Variants in FARS2 observed in about 807,000 individuals in gnomAD.
The protein encoded by FARS2 is phenylalanyl-tRNA synthetase 2, mitochondrial.
FARS2 carries 40 observed loss-of-function variants against 46.4 expected under a neutral mutation model. That is an observed-to-expected ratio of 0.86 (90% CI 0.67 to 1.12). FARS2 has a LOEUF of 1.12. FARS2 is among the 50% of genes most tolerant of loss of function. The probability of loss-of-function intolerance (pLI) is 0.00; values close to 1 mark genes in which losing one functional copy is unlikely to be tolerated. For missense variants in FARS2, 513 were observed against 567.9 expected (o/e 0.90, Z 0.98); for synonymous variants, 234 against 214.9 (o/e 1.09, Z -0.78).
At chr6:5,562,266 G>A (rs989797235) in intron 5 of FARS2, among the ~76,000 whole-genome samples, 2 of 151,160 alleles carry the variant, frequency 1.3e-5, no homozygotes, top group South Asian at 2.1e-4. Flanking sequence ...AACTTTTTAC[G>A]GCATCCTCTT....
At chr6:5,378,404 G>A (rs909097326) in intron 2 of FARS2, among the ~76,000 whole-genome samples, 3 of 152,220 alleles carry the variant, frequency 2.0e-5, no homozygotes, top group South Asian at 2.1e-4. Context: ...AGAAAAAACC[G>A]CTGTCATTTA....
At chr6:5,589,245 A>G (rs1413153065) in intron 5 of FARS2, among the ~76,000 whole-genome samples, 1 of 152,110 alleles carries the variant, frequency 6.6e-6, no homozygotes, top group African/African-American at 2.4e-5. Context: ...ACCCTGGGCA[A>G]ATTTCTTAGC....
At chr6:5,514,089 C>CATATATATATATATATAT (rs57189455) in intron 4 of FARS2, among the ~76,000 whole-genome samples, 46 of 147,130 alleles carry the variant, frequency 3.1e-4, no homozygotes, top group African/African-American at 1.2e-3. Context: ...AAAATCTGGA[C>CATATATATATATATATAT]ATATATATAT....
chr6:5,565,064 C>T (rs1359808644), intron 5 of FARS2, among the ~76,000 whole-genome samples: 1 of 152,170 alleles, frequency 6.6e-6, no homozygotes, highest in Non-Finnish European at 1.5e-5. Context: ...TGCACTGATG[C>T]AAACAACTAT....
chr6:5,515,153 T>C (rs978389268), intron 4 of FARS2, among the ~76,000 whole-genome samples: 1 of 152,180 alleles, frequency 6.6e-6, no homozygotes, highest in Non-Finnish European at 1.5e-5. Context: ...ATAGTAAAAT[T>C]GAAAGAGGTA....
intron 2 of FARS2, among the ~76,000 whole-genome samples, chr6:5,379,255 T>C (rs1301686882): frequency 6.6e-6 from 1 of 152,192 alleles, no homozygotes; most frequent in Non-Finnish European, 1.5e-5. Context: ...CTGAAAAAAA[T>C]GACAGCTAGC....
chr6:5,553,633 T>C (rs1165220347), intron 5 of FARS2, among the ~76,000 whole-genome samples: 1 of 152,164 alleles, frequency 6.6e-6, no homozygotes, highest in East Asian at 1.9e-4. Flanking sequence ...GTATACAGTT[T>C]ACAGAAAAAT....
At chr6:5,260,778 C>A, upstream of FARS2, 2 of 1,536,670 alleles carry the variant, frequency 1.3e-6, no homozygotes, top group Non-Finnish European at 1.7e-6. Flanking sequence ...GCCGAGGTCC[C>A]AAGTACGACC....
intron 1 of FARS2, among the ~76,000 whole-genome samples, chr6:5,358,121 C>A (rs2127619561): frequency 6.6e-6 from 1 of 152,230 alleles, no homozygotes; most frequent in Non-Finnish European, 1.5e-5. Context: ...GAGGCTATTT[C>A]TTCTGTAGCA....
chr6:5,745,604 T>G (rs1239888435), intron 6 of FARS2, among the ~76,000 whole-genome samples: 1 of 152,210 alleles, frequency 6.6e-6, no homozygotes, highest in Non-Finnish European at 1.5e-5. Flanking sequence ...CACTGCATGA[T>G]CTTGAGTCAC....
chr6:5,324,185 G>A (rs1283428558), intron 1 of FARS2, among the ~76,000 whole-genome samples: 1 of 152,126 alleles, frequency 6.6e-6, no homozygotes, highest in Non-Finnish European at 1.5e-5. Context: ...GCTGCCATTC[G>A]TGTTTCTTTC....
At chr6:5,504,973 G>A (rs549619055) in intron 4 of FARS2, among the ~76,000 whole-genome samples, 3 of 152,130 alleles carry the variant, frequency 2.0e-5, no homozygotes, top group South Asian at 2.1e-4. Flanking sequence ...TGGCTTGGAC[G>A]TTTTTTAAAG....
chr6:5,725,050 A>G (rs1299962603), intron 6 of FARS2, among the ~76,000 whole-genome samples: 1 of 152,270 alleles, frequency 6.6e-6, no homozygotes, highest in East Asian at 1.9e-4. Context: ...CACGTGGAAA[A>G]CAGTCAGCTA....
chr6:5,380,240 ATAT>A (rs1338502228), intron 2 of FARS2, among the ~76,000 whole-genome samples: 1 of 152,152 alleles, frequency 6.6e-6, no homozygotes, highest in African/African-American at 2.4e-5. Flanking sequence ...AAACAGATTA[ATAT>A]TCTTTACATC....
chr6:5,429,645 TA>T (rs1230746979), intron 3 of FARS2, among the ~76,000 whole-genome samples: 1 of 151,878 alleles, frequency 6.6e-6, no homozygotes, highest in Non-Finnish European at 1.5e-5. Flanking sequence ...ATCTCTAAAG[TA>T]AAAAAAGTAG....
intron 6 of FARS2, among the ~76,000 whole-genome samples, chr6:5,680,432 T>G (rs1174876991): frequency 6.6e-6 from 1 of 152,132 alleles, no homozygotes; most frequent in African/African-American, 2.4e-5. Context: ...GGCATCTCTA[T>G]CAACAACACA....
chr6:5,736,359 G>T (rs1345479782), intron 6 of FARS2, among the ~76,000 whole-genome samples: 1 of 152,202 alleles, frequency 6.6e-6, no homozygotes, highest in African/African-American at 2.4e-5. Flanking sequence ...TCCATTGTGG[G>T]AGGGGCCACA....
chr6:5,424,103 A>G (rs139187897), intron 3 of FARS2, among the ~76,000 whole-genome samples: 24 of 152,228 alleles, frequency 1.6e-4, no homozygotes, highest in Middle Eastern at 3.4e-3. Flanking sequence ...CTGTTGCTTT[A>G]TCTAAGTGGG....
At chr6:5,653,659 G>A (rs747837395) in intron 6 of FARS2, among the ~76,000 whole-genome samples, 1 of 152,248 alleles carries the variant, frequency 6.6e-6, no homozygotes, top group Non-Finnish European at 1.5e-5. Context: ...ATAGACATGA[G>A]TTGAGGGATT....
Sources: gnomAD v4.1 joint callset for allele counts (sites outside exome capture counted in the v4.1 genomes callset) on GRCh38, gnomAD v4.1.1 for gene constraint, MANE v1.5 for transcripts, NCBI Gene and HGNC (gene_info 2026-07-23, HGNC 2026-07-21) for gene names.